The following GTF2F2 variants were observed in gnomAD, a reference collection of about 807,000 sequenced individuals.
The protein encoded by GTF2F2 is general transcription factor IIF subunit 2.
A neutral mutation model predicts 42.2 loss-of-function variants in GTF2F2; 23 were observed. That is an observed-to-expected ratio of 0.55 (90% confidence interval 0.39 to 0.77). The LOEUF (loss-of-function observed/expected upper bound fraction) is 0.77, where lower values mean the gene tolerates loss of function less well. Ranked by LOEUF, GTF2F2 falls within the 30% of genes least tolerant of loss-of-function variation. The pLI is 0.00. For synonymous variants in GTF2F2, 105 were observed against 100.8 expected (o/e 1.04, Z -0.25); for missense variants, 261 against 287.2 (o/e 0.91, Z 0.66).
At chr13:45,253,450 A>C (rs1593519930) in intron 6 of GTF2F2, among the ~76,000 whole-genome samples, 1 of 152,322 alleles carries the variant, frequency 6.6e-6, no homozygotes, top group East Asian at 1.9e-4. Flanking sequence ...CAGCTTTCAC[A>C]GGCATTTTAA....
At chr13:45,274,739 C>T (rs1160709480) in intron 7 of GTF2F2, among the ~76,000 whole-genome samples, 1 of 151,992 alleles carries the variant, frequency 6.6e-6, no homozygotes, top group Non-Finnish European at 1.5e-5. Flanking sequence ...TCAAGGAGTT[C>T]GAGACCAGCC....
At chr13:45,275,625 C>T (rs1877000844) in intron 7 of GTF2F2, among the ~76,000 whole-genome samples, 1 of 152,098 alleles carries the variant, frequency 6.6e-6, no homozygotes, top group South Asian at 2.1e-4. Flanking sequence ...CTACAAAGGA[C>T]ATGAACTCAT....
At chr13:45,134,436 T>A (rs1869512813) in intron 1 of GTF2F2, among the ~76,000 whole-genome samples, 1 of 152,078 alleles carries the variant, frequency 6.6e-6, no homozygotes, top group African/African-American at 2.4e-5. Context: ...GAGGGATAGA[T>A]AAGAAATAGT....
At chr13:45,275,129 T>A (rs1876977599) in intron 7 of GTF2F2, among the ~76,000 whole-genome samples, 1 of 152,182 alleles carries the variant, frequency 6.6e-6, no homozygotes, top group African/African-American at 2.4e-5. Context: ...TTAATATATA[T>A]GGATATGTGA....
At chr13:45,221,509 A>G (rs1324114111) in intron 5 of GTF2F2, among the ~76,000 whole-genome samples, 1 of 152,226 alleles carries the variant, frequency 6.6e-6, no homozygotes, top group African/African-American at 2.4e-5. Context: ...AGAAATTTTA[A>G]TAAAAATGAA....
chr13:45,274,323 C>CTTTTTTTTT (rs367793010), intron 7 of GTF2F2, among the ~76,000 whole-genome samples: 15 of 102,432 alleles, frequency 1.5e-4, no homozygotes, highest in South Asian at 3.1e-4. Context: ...ACAAATTATA[C>CTTTTTTTTT]TTTTTTTTTT....
intron 2 of GTF2F2, among the ~76,000 whole-genome samples, chr13:45,141,444 G>A (rs1486788699): frequency 6.6e-6 from 1 of 152,164 alleles, no homozygotes; most frequent in African/African-American, 2.4e-5. Flanking sequence ...CAGTTTATGT[G>A]TTTCCCTATG....
chr13:45,276,902 C>T (rs1048451693), intron 7 of GTF2F2, among the ~76,000 whole-genome samples: 11 of 152,290 alleles, frequency 7.2e-5, no homozygotes, highest in Non-Finnish European at 1.3e-4. Flanking sequence ...CAAATATTAA[C>T]GCAATAATTG....
In GTF2F2 at chr13:45,136,779, G is replaced by A; in HGVS notation, c.113G>A (p.Gly38Asp). ...SQQWAKASGR[G>D]EVGKLRIAKT... is the part of the protein sequence containing the mutation. ...CAATGGGCTAAAGCCTCTGGAAGAG[G>A]TGAAGTTGGGAAACTGCGGATTGCC... is the stretch of plus-strand genomic sequence containing the variant. Residue 38 changes from glycine (G) to aspartate (D), a missense_variant, in exon 2 of 8, where the codon GGT becomes GAT. By Grantham distance (94) the Gly-to-Asp change is moderately conservative. Transcript: ENST00000340473. The A allele has an allele frequency of 6.2e-7, 1 of 1,600,242 alleles. No individual in the cohort carries two copies. Among genetic ancestry groups the A allele is most frequent in the South Asian group, 1.1e-5 (1 of 90,302 alleles).
chr13:45,171,881 T>C (rs1291939806), intron 4 of GTF2F2, among the ~76,000 whole-genome samples: 1 of 150,990 alleles, frequency 6.6e-6, no homozygotes. Flanking sequence ...TTTTTTTTTT[T>C]ACTTAGCATG....
chr13:45,248,069 T>C lies in GTF2F2; in HGVS notation c.387-4802T>C, dbSNP rs533913850. Among the ~76,000 whole-genome samples the C allele has an allele frequency of 5.0e-3, 755 of 151,912 alleles. 8 individuals are homozygous for C. Among genetic ancestry groups the C allele is most frequent in the African/African-American group, 0.017 (698 of 41,436 alleles). On this transcript the variant is annotated intron_variant, in intron 5 of 7. Transcript: ENST00000340473. ...CATGTTGGCCAGGCTGGTCTCGAAC[T>C]CCTGACCTCATGATCTGCCCACCTC...
chr13:45,269,521 C>T (rs916352243), intron 7 of GTF2F2, among the ~76,000 whole-genome samples: 2 of 152,160 alleles, frequency 1.3e-5, no homozygotes, highest in East Asian at 1.9e-4. Context: ...GCAACTATCC[C>T]CCTTTAAAAG....
chr13:45,193,779 CACAGGTAATT>C (rs781332329), intron 4 of GTF2F2: 1 of 1,561,984 alleles, frequency 6.4e-7, no homozygotes, highest in Admixed American at 2.0e-5. Flanking sequence ...TTGTTCGTGA[CACAGGTAATT>C]ACTTGATAAA....
At chr13:45,273,997 C>T (rs934513893) in intron 7 of GTF2F2, among the ~76,000 whole-genome samples, 9 of 152,056 alleles carry the variant, frequency 5.9e-5, no homozygotes, top group Admixed American at 2.6e-4. Context: ...GGTGTTGGAT[C>T]GGTGTTCGAA....
intron 4 of GTF2F2, among the ~76,000 whole-genome samples, chr13:45,179,622 C>T (rs1872049781): frequency 6.6e-6 from 1 of 152,146 alleles, no homozygotes; most frequent in Non-Finnish European, 1.5e-5. Flanking sequence ...GTCCCTCATG[C>T]CTTGGGAGGC....
At chr13:45,193,481 C>A (rs538007995) in intron 4 of GTF2F2, 78 of 250,194 alleles carry the variant, frequency 3.1e-4, no homozygotes, top group African/African-American at 1.7e-3. Flanking sequence ...GTGCAAATAC[C>A]CAAGACAATC....
At chr13:45,248,251 AT>A (rs1163044636) in intron 5 of GTF2F2, among the ~76,000 whole-genome samples, 1 of 152,188 alleles carries the variant, frequency 6.6e-6, no homozygotes, top group African/African-American at 2.4e-5. Context: ...ACAAATAGAT[AT>A]GCGTGATTTA....
chr13:45,132,128 T>C (rs558771705), intron 1 of GTF2F2, among the ~76,000 whole-genome samples: 1 of 152,332 alleles, frequency 6.6e-6, no homozygotes, highest in Non-Finnish European at 1.5e-5. Flanking sequence ...TGTTGCTTAA[T>C]GTATTAATTA....
At chr13:45,174,499 T>C (rs1238716453) in intron 4 of GTF2F2, among the ~76,000 whole-genome samples, 2 of 152,252 alleles carry the variant, frequency 1.3e-5, no homozygotes, top group East Asian at 3.9e-4. Flanking sequence ...ACTTTTTCTT[T>C]TATAATTTTA....
Sources: gnomAD v4.1 joint callset for allele counts (sites outside exome capture counted in the v4.1 genomes callset) on GRCh38, gnomAD v4.1.1 for gene constraint, MANE v1.5 for transcripts, NCBI Gene and HGNC (gene_info 2026-07-23, HGNC 2026-07-21) for gene names.